The following CRISPLD2 variants were observed in gnomAD, a reference collection of about 807,000 sequenced individuals.
The protein encoded by CRISPLD2 is cysteine-rich secretory protein LCCL domain-containing 2.
CRISPLD2 carries 47 observed loss-of-function variants against 71.1 expected under a neutral mutation model. The ratio of observed to expected loss-of-function variants is 0.66; its 90% CI spans 0.52 to 0.84. The LOEUF is 0.84. CRISPLD2 is among the 40% of genes least tolerant of loss of function. CRISPLD2 has a pLI of 0.00. For synonymous variants in CRISPLD2, 317 were observed against 250.1 expected, an observed-to-expected ratio of 1.27 and a Z score of -2.52; for missense variants, 830 against 651.1, an observed-to-expected ratio of 1.27 and a Z score of -2.99.
At chr16:84,875,395 C>T (rs1354277408) in intron 11 of CRISPLD2, among the ~76,000 whole-genome samples, 1 of 140,520 alleles carries the variant, frequency 7.1e-6, no homozygotes, top group Non-Finnish European at 1.5e-5. Flanking sequence ...ACATGAGAAA[C>T]ATGAGATTTA....
intron 7 of CRISPLD2, among the ~76,000 whole-genome samples, chr16:84,867,650 T>G (rs1917578332): frequency 6.6e-6 from 1 of 152,154 alleles, no homozygotes; most frequent in South Asian, 2.1e-4. Flanking sequence ...CACTGCAACC[T>G]TTGCCTTCCG....
At chr16:84,854,926 C>T in intron 6 of CRISPLD2, 97 bp downstream of exon 6, 1 of 953,078 alleles carries the variant, frequency 1.0e-6, no homozygotes, top group Non-Finnish European at 1.7e-6. Context: ...AGAAGTCAGT[C>T]ACCCCTCCTG....
chr16:84,889,325 C>T lies in CRISPLD2; in HGVS notation c.1401C>T (p.Thr467=). Residue 467 remains threonine (T), a synonymous_variant, in exon 14 of 15, where the codon ACC becomes ACT. Coordinates refer to ENST00000262424, the MANE Select transcript of CRISPLD2 (RefSeq NM_031476.4). ...VDVMPVDKKK[T]YVGSLRNGVQ... ...TGATGCCCGTGGATAAAAAGAAGAC[C>T]TACGTGGGCTCGCTCAGGAATGGAG... 3 of 1,613,966 alleles carry T rather than the reference C, an allele frequency of 1.9e-6. No homozygotes were observed. Among genetic ancestry groups the T allele is most frequent in the South Asian group, 2.2e-5 (2 of 91,068 alleles).
intron 6 of CRISPLD2, among the ~76,000 whole-genome samples, chr16:84,859,108 CT>C (rs1917316931): frequency 6.6e-6 from 1 of 152,216 alleles, no homozygotes; most frequent in South Asian, 2.1e-4. Flanking sequence ...AGGGGCAGCT[CT>C]AATGGCTTCT....
At chr16:84,821,060 T>C (rs574309174) in intron 1 of CRISPLD2, among the ~76,000 whole-genome samples, 3 of 152,350 alleles carry the variant, frequency 2.0e-5, no homozygotes, top group Middle Eastern at 6.8e-3. Context: ...GTTGCTGCCC[T>C]GGCTGAGAGA....
intron 14 of CRISPLD2, among the ~76,000 whole-genome samples, chr16:84,901,318 C>G (rs1410435558): frequency 6.6e-6 from 1 of 152,158 alleles, no homozygotes; most frequent in Non-Finnish European, 1.5e-5. Flanking sequence ...CTAAACATCT[C>G]TCCTCTGGGG....
chr16:84,886,751 G>T (rs1375499947), intron 13 of CRISPLD2, among the ~76,000 whole-genome samples: 1 of 152,196 alleles, frequency 6.6e-6, no homozygotes, highest in African/African-American at 2.4e-5. Context: ...GAAGGTCAAA[G>T]CTCTGATGAG....
At chr16:84,865,590 A>G (rs1917514525) in intron 6 of CRISPLD2, among the ~76,000 whole-genome samples, 1 of 151,784 alleles carries the variant, frequency 6.6e-6, no homozygotes, top group Admixed American at 6.6e-5. Flanking sequence ...CAGGTTTCCA[A>G]CTCTGGTCCA....
intron 2 of CRISPLD2, among the ~76,000 whole-genome samples, chr16:84,840,292 G>C (rs1916735878): frequency 6.6e-6 from 1 of 152,210 alleles, no homozygotes; most frequent in Non-Finnish European, 1.5e-5. Flanking sequence ...CACGTGAATT[G>C]TGTCCTCTTT....
chr16:84,900,798 T>TC (rs1366280504), intron 14 of CRISPLD2, among the ~76,000 whole-genome samples: 1 of 152,104 alleles, frequency 6.6e-6, no homozygotes, highest in African/African-American at 2.4e-5. Context: ...GCGCTTATAA[T>TC]CCGGGCACTT....
At position 84,863,957 on chromosome 16, in the gene CRISPLD2, C is replaced by CAAAA. The variant is rs781013604; in HGVS notation, c.710-2925_710-2922dup. On this transcript the variant is annotated intron_variant, in intron 6 of 14. Transcript: ENST00000262424. Reference sequence around the variant, plus strand: ...GGGCAACAAGAGCAAAACTTCCTCTCAAAAAAAAAAAAAAAAAAGAAAGAA... The same window carrying CAAAA: ...GGGCAACAAGAGCAAAACTTCCTCTCAAAAAAAAAAAAAAAAAAAAAAGAAAGAA... Among the ~76,000 whole-genome samples the CAAAA allele has an allele frequency of 1.1e-3, 86 of 80,444 alleles. 2 individuals are homozygous for CAAAA. The highest frequency in any genetic ancestry group is 2.8e-3 in the African/African-American group (65 of 23,338). 52.8% of individuals were successfully genotyped at this position (80,444 alleles called of 152,430 possible).
At chr16:84,891,560 G>C (rs1033523762) in intron 14 of CRISPLD2, among the ~76,000 whole-genome samples, 1 of 152,238 alleles carries the variant, frequency 6.6e-6, no homozygotes, top group Non-Finnish European at 1.5e-5. Context: ...TGATTAGGAG[G>C]AATTTCCTGG....
chr16:84,873,616 T>C lies in CRISPLD2; in HGVS notation c.1113-304T>C, dbSNP rs529783652. On this transcript the variant is annotated intron_variant, in intron 10 of 14. Transcript: ENST00000262424. Reference sequence around the variant, plus strand: ...TTCTTTGTAATGTTTTAAATTTATCTTCTTAAAATTTCTTTATTTTGCAGC... The same window carrying C: ...TTCTTTGTAATGTTTTAAATTTATCCTCTTAAAATTTCTTTATTTTGCAGC... 7 of 317,846 alleles carry C rather than the reference T, an allele frequency of 2.2e-5. No homozygotes were observed. The East Asian group carries it at 3.8e-4, about 17-fold the overall frequency. 19.7% of individuals were successfully genotyped at this position (317,846 alleles called of 1,614,324 possible).
At chr16:84,841,803 C>T (rs1054758395) in intron 2 of CRISPLD2, among the ~76,000 whole-genome samples, 2 of 152,144 alleles carry the variant, frequency 1.3e-5, no homozygotes, top group Non-Finnish European at 2.9e-5. Flanking sequence ...CCATGTTGGC[C>T]AGGCTGGTCT....
chr16:84,835,487 C>T (rs1916596527), intron 1 of CRISPLD2, among the ~76,000 whole-genome samples: 2 of 152,110 alleles, frequency 1.3e-5, no homozygotes, highest in African/African-American at 4.8e-5. Flanking sequence ...CAAGCAGGGA[C>T]CCTCCGACCC....
At chr16:84,880,378 A>T in intron 12 of CRISPLD2, 131 bp from the exon 13 acceptor site, 2 of 640,266 alleles carry the variant, frequency 3.1e-6, no homozygotes, top group Non-Finnish European at 2.7e-6. Flanking sequence ...TTTTTTCTTA[A>T]TGAGGAAAAC....
rs1163623741 is a variant in CRISPLD2, at chr16:84,909,192, C to G, written c.*2550C>G. 1 of 152,688 alleles carries G rather than the reference C, an allele frequency of 6.5e-6. No homozygotes were observed. The highest frequency in any genetic ancestry group is 1.5e-5 in the Non-Finnish European group (1 of 68,062). The allele number at this position is 152,688 out of a possible 1,614,324, so 9.5% of individuals were successfully genotyped here. A position where few individuals can be genotyped will look rare whatever the true frequency, so the allele number is the denominator to read the frequency against. On this transcript the variant is annotated 3_prime_UTR_variant, in exon 15 of 15. Coordinates refer to ENST00000262424, the MANE Select transcript of CRISPLD2 (RefSeq NM_031476.4). Reference sequence around the variant, plus strand: ...CAAGCCAACGGCGTTCCTGGCTCTCCTGCCCACAGGATGAACATTTTCGGC... The same window carrying G: ...CAAGCCAACGGCGTTCCTGGCTCTCGTGCCCACAGGATGAACATTTTCGGC...
In CRISPLD2 at chr16:84,838,982, G is replaced by A. The variant is rs538692753; in HGVS notation, c.240+247G>A. ...TCATGCCCTGAAACCTTAGACTCCC[G>A]GGGTTAAGCGATCCTGCTTCAGCCT... On this transcript the variant is annotated intron_variant, in intron 2 of 14. Transcript: ENST00000262424. The A allele has an allele frequency of 2.9e-4, 182 of 632,812 alleles. 1 individual carries two copies. In the Middle Eastern group the frequency reaches 3.3e-3, roughly 11 times the overall value. The allele number at this position is 632,812 out of a possible 1,614,324, so 39.2% of individuals were successfully genotyped here.
chr16:84,897,793 T>C (rs913973940), intron 14 of CRISPLD2, among the ~76,000 whole-genome samples: 1 of 152,202 alleles, frequency 6.6e-6, no homozygotes, highest in Non-Finnish European at 1.5e-5. Flanking sequence ...ATTTTTGTAT[T>C]TTTAGTAGAG....
Sources: gnomAD v4.1 joint callset for allele counts (sites outside exome capture counted in the v4.1 genomes callset) on GRCh38, gnomAD v4.1.1 for gene constraint, MANE v1.5 for transcripts, NCBI Gene and HGNC (gene_info 2026-07-23, HGNC 2026-07-21) for gene names.